Variants in EIPR1 observed in about 807,000 individuals in gnomAD.
EIPR1 encodes EARP and GARP complex-interacting protein 1.
Under a neutral mutation model 48.1 loss-of-function variants are expected in EIPR1, and 25 were observed. That is an observed-to-expected ratio of 0.52 (90% CI 0.38 to 0.73). The LOEUF (loss-of-function observed/expected upper bound fraction) is 0.73, where lower values mean the gene tolerates loss of function less well. Among genes scored for constraint, EIPR1 ranks in the 30% least tolerant of loss-of-function variants. The pLI is 0.00. For missense variants in EIPR1, 415 were observed against 506.2 expected, an observed-to-expected ratio of 0.82 and a Z score of 1.73; for synonymous variants, 204 against 201.9, an observed-to-expected ratio of 1.01 and a Z score of -0.09.
At chr2:3,334,488 A>C (rs949208430) in intron 3 of EIPR1, among the ~76,000 whole-genome samples, 5 of 152,080 alleles carry the variant, frequency 3.3e-5, no homozygotes, top group African/African-American at 1.2e-4. Context: ...TAGGTCTGTG[A>C]CTCCAGGCTT....
intron 4 of EIPR1, among the ~76,000 whole-genome samples, chr2:3,238,236 C>T (rs1252793971): frequency 6.6e-6 from 1 of 152,196 alleles, no homozygotes; most frequent in Admixed American, 6.5e-5. Context: ...GCCATCCTAC[C>T]CACATCTTAC....
chr2:3,374,105 C>T (rs533117478), intron 1 of EIPR1, among the ~76,000 whole-genome samples: 1 of 146,026 alleles, frequency 6.8e-6, no homozygotes, highest in African/African-American at 2.5e-5. Flanking sequence ...CTTTGACAAA[C>T]CTGACAAAAA....
At chr2:3,342,675 C>T (rs184574891) in intron 2 of EIPR1, among the ~76,000 whole-genome samples, 67 of 152,362 alleles carry the variant, frequency 4.4e-4, no homozygotes, top group African/African-American at 1.2e-3. Context: ...CCTGGATGCA[C>T]GCATCTCCTC....
intron 1 of EIPR1, among the ~76,000 whole-genome samples, chr2:3,370,458 C>T (rs1243402434): frequency 6.6e-6 from 1 of 152,124 alleles, no homozygotes; most frequent in African/African-American, 2.4e-5. Flanking sequence ...GGAGGAAATT[C>T]AAACCAAAGG....
intron 4 of EIPR1, among the ~76,000 whole-genome samples, chr2:3,237,073 C>G (rs967624382): frequency 6.6e-6 from 1 of 152,172 alleles, no homozygotes; most frequent in Non-Finnish European, 1.5e-5. Flanking sequence ...CACAAAGACG[C>G]ACCCAGGGAG....
intron 5 of EIPR1, among the ~76,000 whole-genome samples, chr2:3,211,879 G>A (rs1219539426): frequency 2.6e-5 from 4 of 152,236 alleles, no homozygotes; most frequent in Admixed American, 6.5e-5. Flanking sequence ...GACACAGGAC[G>A]GCCATCCCTC....
At chr2:3,274,495 C>T in intron 3 of EIPR1, 1 of 1,496,436 alleles carries the variant, frequency 6.7e-7, no homozygotes, top group East Asian at 2.6e-5. Flanking sequence ...GTAAATCAAG[C>T]CATGAGACCC....
At chr2:3,229,400 A>G (rs1438589357) in intron 4 of EIPR1, among the ~76,000 whole-genome samples, 1 of 152,234 alleles carries the variant, frequency 6.6e-6, no homozygotes, top group Non-Finnish European at 1.5e-5. Context: ...CAGGGCAATA[A>G]CACCAAAACA....
At chr2:3,336,896 AGGGAAAAGGGAAGGGAAGGGAAAAGGG>A (rs1670069116) in intron 3 of EIPR1, among the ~76,000 whole-genome samples, 8 of 86,246 alleles carry the variant, frequency 9.3e-5, no homozygotes, top group Non-Finnish European at 1.3e-4. Context: ...AGGGAAGGGA[AGGGAAAAGGGAAGGGAAGGGAAAAGGG>A]AAGGGAAGGG....
intron 3 of EIPR1, among the ~76,000 whole-genome samples, chr2:3,259,270 T>C (rs938636613): frequency 2.1e-5 from 3 of 145,724 alleles, no homozygotes; most frequent in African/African-American, 7.4e-5. Flanking sequence ...GTGGAAGAAA[T>C]GACTAATGGC....
At chr2:3,192,096 G>A (rs562528386) in intron 8 of EIPR1, among the ~76,000 whole-genome samples, 6 of 152,330 alleles carry the variant, frequency 3.9e-5, no homozygotes, top group South Asian at 2.1e-4. Flanking sequence ...GGATATATTC[G>A]TTCTATTATT....
At chr2:3,216,250 A>G (rs1365953698) in intron 4 of EIPR1, among the ~76,000 whole-genome samples, 6 of 152,168 alleles carry the variant, frequency 3.9e-5, no homozygotes, top group Non-Finnish European at 8.8e-5. Flanking sequence ...GACATTTTCT[A>G]TATGACGGGC....
intron 3 of EIPR1, among the ~76,000 whole-genome samples, chr2:3,299,443 G>A (rs568018700): frequency 1.3e-5 from 2 of 152,250 alleles, no homozygotes; most frequent in East Asian, 1.9e-4. Context: ...TGATCTGACT[G>A]GGCGCGGCCT....
At chr2:3,199,069 C>T (rs553861105) in intron 5 of EIPR1, among the ~76,000 whole-genome samples, 1 of 52,484 alleles carries the variant, frequency 1.9e-5, no homozygotes, top group African/African-American at 5.5e-5. Flanking sequence ...GGGCCCCCCC[C>T]CCGCCCCGGG....
chr2:3,353,320 T>C (rs1670635271), intron 2 of EIPR1: 1 of 470,960 alleles, frequency 2.1e-6, no homozygotes, highest in Non-Finnish European at 4.4e-6. Context: ...TTCCAGTCTT[T>C]ATTCTAAGAA....
At chr2:3,296,778 C>G (rs1668614638) in intron 3 of EIPR1, among the ~76,000 whole-genome samples, 1 of 152,146 alleles carries the variant, frequency 6.6e-6, no homozygotes, top group Non-Finnish European at 1.5e-5. Context: ...ACAGATTGTT[C>G]CCTCTCTGCA....
Position 3,194,151 on chromosome 2 carries a change from T to C in EIPR1, c.669A>G (p.Ile223Met), listed in dbSNP as rs1243197320. ...GCACCAGCTGTCCGTGGGCATTCTC[T>C]ATGCAGTAGATCTGGCTGAGGGAGA... ...DTRSMSQIYC[I>M]ENAHGQLVRD... is the part of the protein sequence containing the mutation. Residue 223 changes from isoleucine to methionine, a missense_variant, in exon 7 of 9, where the codon ATA becomes ATG. Physicochemically the swap from Ile to Met is conservative, Grantham distance 10 (BLOSUM62 1). Coordinates refer to ENST00000382125, the MANE Select transcript of EIPR1 (RefSeq NM_003310.5). 1.9e-6 allele frequency: 3 copies of C among 1,613,710 alleles called. No homozygotes were observed. Among genetic ancestry groups the C allele is most frequent in the Admixed American group, 3.3e-5 (2 of 60,010 alleles).
intron 4 of EIPR1, among the ~76,000 whole-genome samples, chr2:3,235,870 T>C (rs941477844): frequency 6.6e-6 from 1 of 152,138 alleles, no homozygotes; most frequent in Admixed American, 6.5e-5. Context: ...TTAGCACCCA[T>C]CACCTGACCA....
chr2:3,198,392 G>A (rs771722946), intron 5 of EIPR1, among the ~76,000 whole-genome samples: 2 of 151,762 alleles, frequency 1.3e-5, no homozygotes. Context: ...AGTGAGAGAC[G>A]CAGACACTGC....
Sources: gnomAD v4.1 joint callset for allele counts (sites outside exome capture counted in the v4.1 genomes callset) on GRCh38, gnomAD v4.1.1 for gene constraint, MANE v1.5 for transcripts, NCBI Gene and HGNC (gene_info 2026-07-23, HGNC 2026-07-21) for gene names.